ATRNL1: variants seen among roughly 807,000 people sequenced by gnomAD.
ATRNL1 encodes the protein attractin like 1.
A neutral mutation model predicts 182.7 loss-of-function variants in ATRNL1; 95 were observed. That is an observed-to-expected ratio of 0.52 (90% CI 0.44 to 0.62). The LOEUF is 0.62. Ranked by LOEUF, ATRNL1 falls within the 20% of genes least tolerant of loss-of-function variation. ATRNL1 has a pLI of 0.00. For synonymous variants in ATRNL1, 576 were observed against 568.3 expected (o/e 1.01, Z -0.19); for missense variants, 1,471 against 1,679.5 (o/e 0.88, Z 2.17).
At chr10:115,542,580 G>A (rs1304678385) in intron 25 of ATRNL1, among the ~76,000 whole-genome samples, 6 of 152,074 alleles carry the variant, frequency 3.9e-5, no homozygotes, top group Non-Finnish European at 7.3e-5. Context: ...AATAAAGTTG[G>A]TGCGTAGTGT....
At chr10:115,259,339 C>T (rs782632008) in intron 10 of ATRNL1, among the ~76,000 whole-genome samples, 12 of 152,146 alleles carry the variant, frequency 7.9e-5, no homozygotes, top group Non-Finnish European at 1.8e-4. Context: ...GATGCACCCC[C>T]CAGCCAGGCC....
At chr10:115,728,059 A>G (rs1293305526) in intron 27 of ATRNL1, among the ~76,000 whole-genome samples, 6 of 144,376 alleles carry the variant, frequency 4.2e-5, no homozygotes, top group South Asian at 2.3e-4. Context: ...GCAGATCACG[A>G]GGTCAGGAGA....
chr10:115,793,568 G>T (rs1949580262), intron 27 of ATRNL1, among the ~76,000 whole-genome samples: 1 of 152,002 alleles, frequency 6.6e-6, no homozygotes, highest in African/African-American at 2.4e-5. Context: ...AACGATGCTT[G>T]AGGACCACTT....
intron 19 of ATRNL1, among the ~76,000 whole-genome samples, chr10:115,366,238 C>G (rs1394960775): frequency 2.0e-5 from 3 of 152,100 alleles, no homozygotes; most frequent in African/African-American, 7.2e-5. Context: ...ATAGTTAGCT[C>G]TTCTTGTTGA....
At chr10:115,466,191 A>G (rs78048529) in intron 22 of ATRNL1, among the ~76,000 whole-genome samples, 1,802 of 151,556 alleles carry the variant, frequency 0.012, 43 homozygotes, top group African/African-American at 0.041. Flanking sequence ...CTTTCTCCTA[A>G]GAGCCACTTA....
intron 24 of ATRNL1, among the ~76,000 whole-genome samples, chr10:115,470,462 T>C (rs562316150): frequency 4.0e-5 from 6 of 150,708 alleles, no homozygotes; most frequent in African/African-American, 1.4e-4. Flanking sequence ...TTCCTAAGAT[T>C]CATAGAGAAA....
At chr10:115,375,231 A>T (rs1857609851) in intron 19 of ATRNL1, among the ~76,000 whole-genome samples, 1 of 151,466 alleles carries the variant, frequency 6.6e-6, no homozygotes, top group African/African-American at 2.4e-5. Context: ...TTACCTAATG[A>T]CCTTCTTTTT....
At chr10:115,282,216 T>C (rs1294797727) in intron 14 of ATRNL1, among the ~76,000 whole-genome samples, 1 of 147,308 alleles carries the variant, frequency 6.8e-6, no homozygotes, top group Non-Finnish European at 1.5e-5. Context: ...TTATCCTATA[T>C]AATATAATTT....
intron 26 of ATRNL1, among the ~76,000 whole-genome samples, chr10:115,567,967 T>G (rs1434670326): frequency 6.6e-6 from 1 of 152,140 alleles, no homozygotes; most frequent in Non-Finnish European, 1.5e-5. Context: ...CTGTCATCCT[T>G]TATCTAGTTG....
intron 28 of ATRNL1, among the ~76,000 whole-genome samples, chr10:115,920,579 C>T (rs1352846810): frequency 2.0e-5 from 3 of 152,316 alleles, no homozygotes; most frequent in Admixed American, 6.5e-5. Context: ...GCATGAGACT[C>T]ATTTGCTAAA....
chr10:115,299,964 A>G (rs1853393341), intron 15 of ATRNL1, 70 bp from the exon 16 acceptor site: 2 of 1,121,228 alleles, frequency 1.8e-6, no homozygotes, highest in Middle Eastern at 2.5e-4. Context: ...ATAGTGAACT[A>G]TTTGCTAAGG....
chr10:115,729,231 G>A (rs1030287935), intron 27 of ATRNL1, among the ~76,000 whole-genome samples: 11 of 152,024 alleles, frequency 7.2e-5, no homozygotes, highest in Admixed American at 7.2e-4. Flanking sequence ...TTTTCCAAAT[G>A]TTGGTTCTTT....
At chr10:115,199,766 A>T (rs1554891883) in intron 8 of ATRNL1, among the ~76,000 whole-genome samples, 1 of 152,108 alleles carries the variant, frequency 6.6e-6, no homozygotes, top group Non-Finnish European at 1.5e-5. Context: ...TAGTGGGAAA[A>T]TGTAAACTAG....
intron 9 of ATRNL1, among the ~76,000 whole-genome samples, chr10:115,231,034 G>C (rs1564838215): frequency 6.6e-6 from 1 of 152,024 alleles, no homozygotes; most frequent in Admixed American, 6.6e-5. Flanking sequence ...TTGGTGTCAG[G>C]AAGAATGGAA....
At chr10:115,210,590 A>G (rs1848983200) in intron 8 of ATRNL1, among the ~76,000 whole-genome samples, 1 of 151,900 alleles carries the variant, frequency 6.6e-6, no homozygotes, top group African/African-American at 2.4e-5. Context: ...ATTTTGATAT[A>G]TTAGTGACTA....
At chr10:115,275,302 A>G (rs575415609) in intron 13 of ATRNL1, among the ~76,000 whole-genome samples, 25 of 152,250 alleles carry the variant, frequency 1.6e-4, no homozygotes, top group African/African-American at 5.5e-4. Flanking sequence ...TGGCAGTCAT[A>G]AGCCTCTGAC....
intron 27 of ATRNL1, among the ~76,000 whole-genome samples, chr10:115,802,021 A>ACACACACAC: frequency 7.9e-6 from 1 of 125,988 alleles, no homozygotes; most frequent in African/African-American, 2.9e-5. Context: ...AAAAAAAAGA[A>ACACACACAC]ACACACACAC....
At chr10:115,110,378 G>A (rs1554867599) in intron 1 of ATRNL1, among the ~76,000 whole-genome samples, 4 of 152,134 alleles carry the variant, frequency 2.6e-5, no homozygotes, top group Non-Finnish European at 1.5e-5. Flanking sequence ...AAGATGGAGG[G>A]AGCCATGCCT....
chr10:115,148,601 C>T (rs938594243), intron 5 of ATRNL1, among the ~76,000 whole-genome samples: 7 of 152,178 alleles, frequency 4.6e-5, no homozygotes, highest in East Asian at 1.9e-4. Context: ...TTTGTTGTCT[C>T]GCACTAAGGA....
Sources: gnomAD v4.1 joint callset for allele counts (sites outside exome capture counted in the v4.1 genomes callset) on GRCh38, gnomAD v4.1.1 for gene constraint, MANE v1.5 for transcripts, NCBI Gene and HGNC (gene_info 2026-07-23, HGNC 2026-07-21) for gene names.